The following DYNC1I1 variants were observed in gnomAD, a reference collection of about 807,000 sequenced individuals.
DYNC1I1 encodes the protein dynein cytoplasmic 1 intermediate chain 1.
Under a neutral mutation model 86.6 loss-of-function variants are expected in DYNC1I1, and 43 were observed. The ratio of observed to expected loss-of-function variants is 0.50; its 90% CI spans 0.39 to 0.64. DYNC1I1 has a LOEUF of 0.64. Ranked by LOEUF, DYNC1I1 falls within the 30% of genes least tolerant of loss-of-function variation. The probability of loss-of-function intolerance (pLI) is 0.00; values close to 1 mark genes in which losing one functional copy is unlikely to be tolerated. For synonymous variants in DYNC1I1, 262 were observed against 283.7 expected (o/e 0.92, Z 0.77); for missense variants, 604 against 788.8 (o/e 0.77, Z 2.81).
At chr7:96,103,657 A>G (rs1253823488) in intron 16 of DYNC1I1, among the ~76,000 whole-genome samples, 2 of 151,676 alleles carry the variant, frequency 1.3e-5, no homozygotes, top group Non-Finnish European at 1.5e-5. Flanking sequence ...CTGTCGCCCA[A>G]GCTGGAGTGC....
intron 12 of DYNC1I1, among the ~76,000 whole-genome samples, chr7:96,035,258 T>C (rs773694329): frequency 6.6e-6 from 1 of 152,238 alleles, no homozygotes; most frequent in Non-Finnish European, 1.5e-5. Context: ...TCACAAACAA[T>C]TGATTTTGAA....
At chr7:95,817,647 C>T (rs1794976792) in intron 4 of DYNC1I1, among the ~76,000 whole-genome samples, 2 of 152,210 alleles carry the variant, frequency 1.3e-5, no homozygotes, top group African/African-American at 4.8e-5. Context: ...GTAAGCATTG[C>T]CTGTATCTTT....
intron 6 of DYNC1I1, among the ~76,000 whole-genome samples, chr7:95,901,406 C>G (rs1791033901): frequency 1.3e-5 from 2 of 152,184 alleles, no homozygotes; most frequent in South Asian, 4.1e-4. Flanking sequence ...GCTACCTTTA[C>G]TTTTTAAGAA....
At chr7:95,793,853 G>A (rs1186291859) in intron 1 of DYNC1I1, among the ~76,000 whole-genome samples, 2 of 152,202 alleles carry the variant, frequency 1.3e-5, no homozygotes, top group African/African-American at 4.8e-5. Context: ...ATGCTGAAGA[G>A]CCACCGTGTG....
Position 95,883,871 on chromosome 7 carries a change from C to T in DYNC1I1, c.490+13873C>T, listed in dbSNP as rs756014034. On this transcript the variant is annotated intron_variant, in intron 6 of 16. Transcript: ENST00000447467. ...AAGGAATAAGAATTATACATAAAGA[C>T]GATTCTCAGCATCAGTTTAAAACAA... Among the ~76,000 whole-genome samples, 5 of 151,720 alleles carry T rather than the reference C, an allele frequency of 3.3e-5. 1 individual carries two copies. Among genetic ancestry groups the T allele is most frequent in the Admixed American group, 2.6e-4 (4 of 15,226 alleles).
downstream of DYNC1I1, chr7:96,098,546 C>A: frequency 5.1e-6 from 3 of 587,306 alleles, no homozygotes; most frequent in Non-Finnish European, 6.4e-6. Context: ...TTTATTTGAG[C>A]AGCCAACCTG....
chr7:95,953,410 G>A (rs1245845271), intron 6 of DYNC1I1, among the ~76,000 whole-genome samples: 3 of 151,684 alleles, frequency 2.0e-5, no homozygotes, highest in Non-Finnish European at 4.4e-5. Flanking sequence ...GAGAAGGAAA[G>A]AAAGAAAGAG....
At chr7:95,856,659 A>G (rs1246522006) in intron 5 of DYNC1I1, among the ~76,000 whole-genome samples, 10 of 152,278 alleles carry the variant, frequency 6.6e-5, no homozygotes, top group African/African-American at 2.2e-4. Flanking sequence ...GGATTCCTCA[A>G]TGCCATCCTA....
At chr7:96,063,406 G>C (rs1018093095) in intron 14 of DYNC1I1, among the ~76,000 whole-genome samples, 32 of 152,174 alleles carry the variant, frequency 2.1e-4, no homozygotes, top group African/African-American at 7.2e-4. Context: ...AATTATGTTA[G>C]TTTGTTAGGG....
intron 1 of DYNC1I1, among the ~76,000 whole-genome samples, chr7:95,792,937 G>A (rs1171752813): frequency 6.6e-6 from 1 of 152,118 alleles, no homozygotes; most frequent in African/African-American, 2.4e-5. Context: ...ACTAGGGAGT[G>A]GAAGGATATA....
intron 16 of DYNC1I1, among the ~76,000 whole-genome samples, chr7:96,089,287 G>A (rs979028440): frequency 1.3e-5 from 2 of 151,862 alleles, no homozygotes; most frequent in Non-Finnish European, 2.9e-5. Context: ...ACAAAAAGTG[G>A]TTATTTGACA....
chr7:95,847,321 TTTCTC>T (rs1789459778), intron 5 of DYNC1I1, among the ~76,000 whole-genome samples: 1 of 152,144 alleles, frequency 6.6e-6, no homozygotes, highest in African/African-American at 2.4e-5. Flanking sequence ...TCACAGATCT[TTTCTC>T]TGGCTGCTCC....
intron 16 of DYNC1I1, among the ~76,000 whole-genome samples, chr7:96,109,629 T>C (rs1485214885): frequency 6.6e-6 from 1 of 152,194 alleles, no homozygotes; most frequent in Non-Finnish European, 1.5e-5. Flanking sequence ...TTTCTTGTGG[T>C]TTCTTATTTT....
At chr7:96,099,117 A>G (rs1247018562), downstream of DYNC1I1, among the ~76,000 whole-genome samples, 1 of 152,256 alleles carries the variant, frequency 6.6e-6, no homozygotes, top group East Asian at 1.9e-4. Context: ...AAAGTTTCAC[A>G]GACATACAGT....
At chr7:96,085,831 T>A (rs942046468) in intron 16 of DYNC1I1, among the ~76,000 whole-genome samples, 8 of 152,218 alleles carry the variant, frequency 5.3e-5, no homozygotes, top group Non-Finnish European at 1.0e-4. Context: ...TTTGTTTGTT[T>A]TGGATTGTAG....
chr7:96,074,228 A>C (rs1249706406), intron 14 of DYNC1I1, among the ~76,000 whole-genome samples: 2 of 151,936 alleles, frequency 1.3e-5, no homozygotes, highest in African/African-American at 4.8e-5. Context: ...GGCCCATCTA[A>C]AATATTCTGT....
intron 14 of DYNC1I1, among the ~76,000 whole-genome samples, chr7:96,057,522 C>A (rs1789614140): frequency 6.6e-6 from 1 of 152,136 alleles, no homozygotes; most frequent in African/African-American, 2.4e-5. Flanking sequence ...ACTCAGATGC[C>A]TAAATTATCT....
At chr7:96,095,054 A>C (rs139709784) in intron 16 of DYNC1I1, among the ~76,000 whole-genome samples, 20 of 152,296 alleles carry the variant, frequency 1.3e-4, no homozygotes, top group African/African-American at 4.8e-4. Flanking sequence ...TTCTAAGGGC[A>C]TGTGTTAGTA....
At position 96,028,271 on chromosome 7, in the gene DYNC1I1, C is replaced by T; in HGVS notation, c.1066C>T (p.His356Tyr). ...GATTGTCCTCTGGGACAATCGCAGT[C>T]ATCGAAGGACTCCAGTGCAGCGGAC... ...GQIVLWDNRS[H>Y]RRTPVQRTPL... The change falls in exon 11 of 17, where the codon CAT (histidine) becomes TAT (tyrosine). Residue 356 changes from histidine (H) to tyrosine (Y), a missense_variant. His to Tyr is a moderately conservative substitution (Grantham distance 83). Coordinates refer to ENST00000447467, the MANE Select transcript of DYNC1I1 (RefSeq NM_001135556.2). The T allele has an allele frequency of 2.5e-6, 4 of 1,613,830 alleles. No homozygotes were observed. The highest frequency in any genetic ancestry group is 3.4e-6 in the Non-Finnish European group (4 of 1,179,828).
Sources: allele counts gnomAD v4.1 joint callset (sites outside exome capture counted in the v4.1 genomes callset), GRCh38; gene constraint gnomAD v4.1.1; transcripts MANE v1.5; gene names NCBI Gene and HGNC (gene_info 2026-07-23, HGNC 2026-07-21).